DENND2A: variants seen among roughly 807,000 people sequenced by gnomAD.
The protein encoded by DENND2A is DENN domain containing 2A.
Under a neutral mutation model 105.3 loss-of-function variants are expected in DENND2A, and 53 were observed. That is an observed-to-expected ratio of 0.50 (90% CI 0.40 to 0.63). The LOEUF (loss-of-function observed/expected upper bound fraction) is 0.63, where lower values mean the gene tolerates loss of function less well. DENND2A is among the 30% of genes least tolerant of loss of function. The pLI, the probability that DENND2A is intolerant of heterozygous loss-of-function variation, is 0.00. For synonymous variants in DENND2A, 522 were observed against 508.4 expected, an observed-to-expected ratio of 1.03 and a Z score of -0.36; for missense variants, 1,138 against 1,279.6, an observed-to-expected ratio of 0.89 and a Z score of 1.69.
intron 13 of DENND2A, 84 bp downstream of exon 13, chr7:140,546,715 T>A (rs2130529032): frequency 9.7e-6 from 15 of 1,546,548 alleles, no homozygotes; most frequent in South Asian, 3.7e-5. Flanking sequence ...GACTGCTCAC[T>A]GAAAGGCAGC....
rs947654075 is a variant in DENND2A at position 140,518,622 on chromosome 7, G to T, written c.*85C>A. ...CCAGTTCCGCACCGTGACAACCTGG[G>T]ACCCAGCCTTTCAGAAAGGCCACCA... On this transcript the variant is annotated 3_prime_UTR_variant, in exon 20 of 20. Coordinates refer to ENST00000496613, the MANE Select transcript of DENND2A (RefSeq NM_015689.5). 1.5e-5 allele frequency: 21 copies of T among 1,442,014 alleles called. No homozygotes were observed. The highest frequency in any genetic ancestry group is 2.0e-5 in the Non-Finnish European group (21 of 1,030,112). 89.3% of individuals were successfully genotyped at this position (1,442,014 alleles called of 1,614,324 possible).
intron 1 of DENND2A, among the ~76,000 whole-genome samples, chr7:140,636,555 T>G (rs1480022311): frequency 6.6e-6 from 1 of 152,112 alleles, no homozygotes; most frequent in African/African-American, 2.4e-5. Context: ...ATGGGCTCTC[T>G]ATACGTGACT....
At chr7:140,567,007 C>T in intron 9 of DENND2A, 79 bp downstream of exon 9, 1 of 1,355,540 alleles carries the variant, frequency 7.4e-7, no homozygotes, top group Non-Finnish European at 9.9e-7. Flanking sequence ...CAGACTCCCA[C>T]ACCTCCCTCA....
intron 5 of DENND2A, among the ~76,000 whole-genome samples, chr7:140,584,626 T>C (rs912237352): frequency 4.6e-5 from 7 of 152,188 alleles, no homozygotes; most frequent in Admixed American, 2.0e-4. Flanking sequence ...TCCAGAAAGT[T>C]CAAAAGGATA....
chr7:140,626,045 C>T (rs1334986017), intron 1 of DENND2A, among the ~76,000 whole-genome samples: 2 of 152,076 alleles, frequency 1.3e-5, no homozygotes, highest in East Asian at 1.9e-4. Flanking sequence ...GACATTAAGG[C>T]CTGGAGGGAT....
intron 16 of DENND2A, among the ~76,000 whole-genome samples, chr7:140,524,885 C>CT (rs773550888): frequency 0.089 from 11,884 of 132,960 alleles, 612 homozygotes; most frequent in African/African-American, 0.12. Flanking sequence ...GGCAAATATT[C>CT]TTTTTTTTTT....
Position 140,521,889 on chromosome 7 carries a change from G to A in DENND2A, c.2877C>T (p.Ile959=), listed in dbSNP as rs531807720. 1 of 1,614,130 alleles carries A rather than the reference G, an allele frequency of 6.2e-7. No homozygotes were observed. The highest frequency in any genetic ancestry group is 8.5e-7 in the Non-Finnish European group (1 of 1,180,050). ...FMETQMFRGF[I]QERELRRQDA... is the part of the protein sequence containing the mutation. ...CCTGCCGGCGCAGCTCCCGCTCCTG[G>A]ATGAAGCCCCGAAACATCTGAGTCT... Residue 959 remains isoleucine, a synonymous_variant, in exon 18 of 20, where the codon ATC becomes ATT. Coordinates refer to ENST00000496613, the MANE Select transcript of DENND2A (RefSeq NM_015689.5).
intron 5 of DENND2A, 52 bp from the exon 6 acceptor site, chr7:140,574,060 C>A (rs777092667): frequency 1.3e-6 from 2 of 1,592,486 alleles, no homozygotes; most frequent in Non-Finnish European, 1.7e-6. Flanking sequence ...GGAGACTGAC[C>A]GGGGGATAAC....
At position 140,527,412 on chromosome 7, in the gene DENND2A, G is replaced by A; in HGVS notation, c.2411C>T (p.Pro804Leu). Residue 804 changes from proline (P) to leucine (L), a missense_variant, in exon 15 of 20, where the codon CCC becomes CTC. By Grantham distance (98) the Pro-to-Leu change is moderately conservative. Coordinates refer to ENST00000496613, the MANE Select transcript of DENND2A (RefSeq NM_015689.5). This position sits in a 1 kb window ranked among gnomAD's most constrained non-coding sequence, Gnocchi z 4.9. ...WQHTYIPVLP[P>L]AMVDIVCSPT... ...CGAGCACACGATGTCGACCATGGCG[G>A]GTGGCAGCACCGGGATGTAGGTGTG... 1 of 1,602,910 alleles carries A rather than the reference G, an allele frequency of 6.2e-7. No individual in the cohort carries two copies. Among genetic ancestry groups the A allele is most frequent in the Non-Finnish European group, 8.5e-7 (1 of 1,176,282 alleles).
intron 3 of DENND2A, among the ~76,000 whole-genome samples, chr7:140,591,105 TG>T (rs1406132882): frequency 6.6e-6 from 1 of 152,078 alleles, no homozygotes; most frequent in East Asian, 1.9e-4. Context: ...TCAGACCAGC[TG>T]GGCAACAGAG....
Position 140,546,950 on chromosome 7 carries a change from C to T in DENND2A, c.2038-11G>A, listed in dbSNP as rs1275210410. The T allele has an allele frequency of 6.2e-7, 1 of 1,609,674 alleles. No homozygotes were observed. On this transcript the variant is annotated splice_polypyrimidine_tract_variant and intron_variant, in intron 12 of 19. Transcript: ENST00000496613. ...CACCTCATCCAAGATCTGCAAGGGT[C>T]AGAAAAGCAGCTTAGCTATTCCGAA...
rs1437020313 is a variant in DENND2A, at chr7:140,518,718, G to A, written c.3019C>T (p.His1007Tyr). Residue 1007 changes from histidine (H) to tyrosine (Y), a missense_variant, in exon 20 of 20, where the codon CAC (histidine) becomes TAC (tyrosine). His to Tyr is a moderately conservative substitution (Grantham distance 83, BLOSUM62 2). Around this residue, in one of 2 missense-constraint regions of DENND2A, gnomAD observed 627 missense variants for 779.8 expected, o/e 0.80. Coordinates refer to ENST00000496613, the MANE Select transcript of DENND2A (RefSeq NM_015689.5). ...KGLGNKMKFL[H>Y]KK ...CTTGAGGCTGAGAGTTATTTCTTGTGGAGAAATTTCATTTTATTGCCTAAA... is the reference window on the plus strand; with the variant it reads ...CTTGAGGCTGAGAGTTATTTCTTGTAGAGAAATTTCATTTTATTGCCTAAA... The A allele has an allele frequency of 6.2e-7, 1 of 1,613,520 alleles. No homozygotes were observed. Among genetic ancestry groups the A allele is most frequent in the East Asian group, 2.2e-5 (1 of 44,884 alleles).
intron 3 of DENND2A, among the ~76,000 whole-genome samples, chr7:140,598,719 G>T (rs950470529): frequency 1.3e-5 from 2 of 151,906 alleles, no homozygotes; most frequent in Non-Finnish European, 1.5e-5. Context: ...AAAAGACTTA[G>T]AAATAAATGT....
intron 1 of DENND2A, among the ~76,000 whole-genome samples, chr7:140,625,280 G>A (rs974827099): frequency 2.6e-5 from 4 of 151,462 alleles, no homozygotes; most frequent in Admixed American, 2.6e-4. Context: ...AGGAGGCTGA[G>A]GCAGGAGAGT....
chr7:140,621,203 A>AT (rs1015582006), intron 1 of DENND2A, among the ~76,000 whole-genome samples: 66 of 149,864 alleles, frequency 4.4e-4, no homozygotes, highest in South Asian at 1.5e-3. Context: ...TAATTAAAAA[A>AT]TTTTTTTTTT....
At chr7:140,621,855 G>A (rs1440330891) in intron 1 of DENND2A, among the ~76,000 whole-genome samples, 2 of 152,196 alleles carry the variant, frequency 1.3e-5, no homozygotes, top group African/African-American at 2.4e-5. Flanking sequence ...GCTGAATTTC[G>A]TTTGGGGTAC....
At chr7:140,601,123 G>T (rs1004031048) in intron 3 of DENND2A, among the ~76,000 whole-genome samples, 3 of 152,112 alleles carry the variant, frequency 2.0e-5, no homozygotes, top group Non-Finnish European at 4.4e-5. Context: ...TTAACTCTTG[G>T]TTACTGTCCC....
chr7:140,537,802 C>A (rs1796501797), intron 14 of DENND2A, among the ~76,000 whole-genome samples: 1 of 152,140 alleles, frequency 6.6e-6, no homozygotes, highest in Admixed American at 6.6e-5. Context: ...CCATGCCCGA[C>A]CTCCCTCTAA....
intron 5 of DENND2A, among the ~76,000 whole-genome samples, chr7:140,579,976 A>G (rs1798470506): frequency 6.6e-6 from 1 of 152,142 alleles, no homozygotes; most frequent in Non-Finnish European, 1.5e-5. Flanking sequence ...TACTAAAAAT[A>G]CAAAAAAATT....
Sources: gnomAD v4.1 joint callset for allele counts (sites outside exome capture counted in the v4.1 genomes callset) on GRCh38, gnomAD v4.1.1 for gene constraint, gnomAD v4.1.1 regional missense constraint, Gnocchi (gnomAD v3.1) non-coding constraint, MANE v1.5 for transcripts, NCBI Gene and HGNC (gene_info 2026-07-23, HGNC 2026-07-21) for gene names.